Variants in CACNA1C observed in about 807,000 individuals in gnomAD.
The protein encoded by CACNA1C is calcium voltage-gated channel subunit alpha1 C.
Under a neutral mutation model 229.0 loss-of-function variants are expected in CACNA1C, and 30 were observed. That is an observed-to-expected ratio of 0.13 (90% CI 0.10 to 0.18). CACNA1C has a LOEUF of 0.18. Ranked by LOEUF, CACNA1C falls within the 10% of genes least tolerant of loss-of-function variation. The probability of loss-of-function intolerance (pLI) is 1.00; values close to 1 mark genes in which losing one functional copy is unlikely to be tolerated. For synonymous variants in CACNA1C, 1,114 were observed against 1,132.5 expected (o/e 0.98, Z 0.33); for missense variants, 1,658 against 2,845.0 (o/e 0.58, Z 9.49).
rs149464984 is a variant in CACNA1C, at chr12:2,172,054, G to A, written c.477+51624G>A. The stretch of plus-strand genomic sequence containing the variant: ...TGCAGGGTTGTTCCTGCTTTGGACC[G>A]TGGACAATAAATAAACTCCTATTGT... On this transcript the variant is annotated intron_variant, in intron 3 of 46. Transcript: ENST00000399655. Among the ~76,000 whole-genome samples, 646 of 152,282 alleles carry A rather than the reference G, an allele frequency of 4.2e-3. 5 individuals are homozygous for A. Among genetic ancestry groups the A allele is most frequent in the African/African-American group, 0.015 (605 of 41,532 alleles).
chr12:2,129,136 T>A lies in CACNA1C; in HGVS notation c.477+8706T>A, dbSNP rs114017971. ...CTCACACCTTTGGGAAATGCTGCTC[T>A]GTGTTGCCCCAAGAACCGATGCATT... On this transcript the variant is annotated intron_variant, in intron 3 of 46. Transcript: ENST00000399655. 3.1e-3 allele frequency among the ~76,000 whole-genome samples: 468 copies of A among 152,308 alleles called. 5 individuals are homozygous for A. The highest frequency in any genetic ancestry group is 0.011 in the African/African-American group (450 of 41,558).
chr12:2,685,766 A>G lies in CACNA1C; in HGVS notation c.5604A>G (p.Gln1868=), dbSNP rs11062316. Residue 1868 remains glutamine (Q), a synonymous_variant, in exon 44 of 47, where the codon CAA becomes CAG. Transcript: ENST00000399655. ...MLSYQDDENR[Q]LTLPEEDKRD... Reference sequence around the variant, plus strand: ...CCTACCAGGATGACGAAAATCGGCAACTGACGCTCCCAGAGGAGGACAAGA... The same window carrying G: ...CCTACCAGGATGACGAAAATCGGCAGCTGACGCTCCCAGAGGAGGACAAGA... 2,901 of 1,613,738 alleles carry G rather than the reference A, an allele frequency of 1.8e-3. 40 individuals are homozygous for G. In the African/African-American group the frequency reaches 0.032, roughly 18 times the overall value.
intron 10 of CACNA1C, among the ~76,000 whole-genome samples, chr12:2,552,841 A>T (rs961049095): frequency 2.0e-5 from 3 of 152,202 alleles, no homozygotes; most frequent in Admixed American, 6.5e-5. Context: ...AGGGAGGAAG[A>T]TGGGAGCATG....
chr12:2,190,987 C>T (rs2154297071), intron 3 of CACNA1C, among the ~76,000 whole-genome samples: 1 of 152,270 alleles, frequency 6.6e-6, no homozygotes, highest in African/African-American at 2.4e-5. Flanking sequence ...GTCCCATTGG[C>T]TGGGACTCAG....
At chr12:2,268,291 A>G (rs2083224649) in intron 3 of CACNA1C, among the ~76,000 whole-genome samples, 1 of 151,980 alleles carries the variant, frequency 6.6e-6, no homozygotes, top group Admixed American at 6.6e-5. Flanking sequence ...TGAGAAGCCA[A>G]CTCACCGGCA....
Position 2,666,863 on chromosome 12 carries a change from A to G in CACNA1C, c.4623+81A>G, listed in dbSNP as rs1176905541. ...CCATTTCTTGTGATCCTTTAAGGGA[A>G]TGAACATACTAGTTTATGTGCCTAA... On this transcript the variant is annotated intron_variant, in intron 37 of 46. Coordinates refer to ENST00000399655, the MANE Select transcript of CACNA1C (RefSeq NM_000719.7). This position sits in a 1 kb window ranked among gnomAD's most constrained non-coding sequence, Gnocchi z 5.3. 2.4e-6 allele frequency: 2 copies of G among 826,990 alleles called. No homozygotes were observed. The highest frequency in any genetic ancestry group is 3.4e-5 in the African/African-American group (2 of 59,466). 51.2% of individuals were successfully genotyped at this position (826,990 alleles called of 1,614,324 possible).
intron 9 of CACNA1C, among the ~76,000 whole-genome samples, chr12:2,548,856 G>A (rs1413606349): frequency 6.6e-6 from 1 of 152,178 alleles, no homozygotes; most frequent in Non-Finnish European, 1.5e-5. Flanking sequence ...ACTAACAGCA[G>A]ATTCTGTGTC....
chr12:2,004,322 T>A (rs1271543227), intron 1 of CACNA1C: 2 of 1,613,398 alleles, frequency 1.2e-6, no homozygotes, highest in Non-Finnish European at 1.7e-6. Context: ...CAGAGCCACC[T>A]GGCTGGCCAC....
intron 3 of CACNA1C, among the ~76,000 whole-genome samples, chr12:2,264,091 G>A (rs2081373258): frequency 6.6e-6 from 1 of 152,204 alleles, no homozygotes; most frequent in African/African-American, 2.4e-5. Context: ...CAGAGCCCCT[G>A]TTGCACTCAC....
chr12:2,530,449 G>A (rs1363119451), intron 9 of CACNA1C, among the ~76,000 whole-genome samples: 1 of 152,214 alleles, frequency 6.6e-6, no homozygotes, highest in African/African-American at 2.4e-5. Flanking sequence ...ACTCTTTCCA[G>A]TTAAACTACA....
At chr12:2,358,282 TGTGTGTGTGTG>T (rs1567224745) in intron 3 of CACNA1C, among the ~76,000 whole-genome samples, 1 of 136,742 alleles carries the variant, frequency 7.3e-6, no homozygotes, top group African/African-American at 2.8e-5. Context: ...TGTGTGTGTG[TGTGTGTGTGTG>T]TGTGTGTGTG....
At chr12:2,421,173 C>T (rs2098975112) in intron 3 of CACNA1C, among the ~76,000 whole-genome samples, 1 of 152,172 alleles carries the variant, frequency 6.6e-6, no homozygotes, top group South Asian at 2.1e-4. Flanking sequence ...TTATAGGGAA[C>T]TTAGAAATAT....
Position 2,152,115 on chromosome 12 carries a change from C to G in CACNA1C, c.477+31685C>G, listed in dbSNP as rs1303884035. ...AGGAAAACATCGATGGTGCCCTTCCCTAGATAGCTGCGTTGCAATGGACCA... is the reference window on the plus strand; with the variant it reads ...AGGAAAACATCGATGGTGCCCTTCCGTAGATAGCTGCGTTGCAATGGACCA... On this transcript the variant is annotated intron_variant, in intron 3 of 46. Coordinates refer to ENST00000399655, the MANE Select transcript of CACNA1C (RefSeq NM_000719.7). This position sits in a 1 kb window ranked among gnomAD's most constrained non-coding sequence, Gnocchi z 4.2. 2.0e-5 allele frequency among the ~76,000 whole-genome samples: 3 copies of G among 152,188 alleles called. No homozygotes were observed. The highest frequency in any genetic ancestry group is 7.2e-5 in the African/African-American group (3 of 41,452).
intron 29 of CACNA1C, among the ~76,000 whole-genome samples, chr12:2,624,410 TG>T: frequency 6.6e-6 from 1 of 152,130 alleles, no homozygotes; most frequent in African/African-American, 2.4e-5. Flanking sequence ...ACACTGATAG[TG>T]GGGGAGTCTT....
intron 43 of CACNA1C, among the ~76,000 whole-genome samples, chr12:2,684,721 G>A (rs1298114453): frequency 6.6e-6 from 1 of 152,208 alleles, no homozygotes; most frequent in African/African-American, 2.4e-5. Context: ...AGGTGAAATG[G>A]AAGCTGGATC....
chr12:2,435,904 A>G (rs2099130090), intron 3 of CACNA1C, among the ~76,000 whole-genome samples: 1 of 152,188 alleles, frequency 6.6e-6, no homozygotes, highest in Non-Finnish European at 1.5e-5. Flanking sequence ...ATCCCAAACG[A>G]GCAGTGGACA....
intron 3 of CACNA1C, among the ~76,000 whole-genome samples, chr12:2,272,336 C>T (rs1265297095): frequency 6.6e-6 from 1 of 152,178 alleles, no homozygotes; most frequent in Admixed American, 6.6e-5. Flanking sequence ...TCGATTCCAG[C>T]TCCAGTTCTG....
At chr12:2,032,086 GGAGGAGGGGT>G (rs1033916186) in intron 1 of CACNA1C, among the ~76,000 whole-genome samples, 1 of 152,094 alleles carries the variant, frequency 6.6e-6, no homozygotes, top group Non-Finnish European at 1.5e-5. Context: ...CAAGGTAGAG[GGAGGAGGGGT>G]GGCTCACACG....
intron 38 of CACNA1C, among the ~76,000 whole-genome samples, chr12:2,671,582 T>C (rs1018779147): frequency 1.3e-5 from 2 of 152,140 alleles, no homozygotes; most frequent in Non-Finnish European, 1.5e-5. Context: ...GAGATTTTGT[T>C]CCCTAGAGGA....
Sources: gnomAD v4.1 joint callset for allele counts (sites outside exome capture counted in the v4.1 genomes callset) on GRCh38, gnomAD v4.1.1 for gene constraint, Gnocchi (gnomAD v3.1) non-coding constraint, MANE v1.5 for transcripts, NCBI Gene and HGNC (gene_info 2026-07-23, HGNC 2026-07-21) for gene names.